The following CCDC7 variants were observed in gnomAD, a reference collection of about 807,000 sequenced individuals.
The protein encoded by CCDC7 is coiled-coil domain-containing protein 7.
CCDC7 carries 183 observed loss-of-function variants against 196.9 expected under a neutral mutation model. That is an observed-to-expected ratio of 0.93 (90% CI 0.82 to 1.05). CCDC7 has a LOEUF of 1.05. CCDC7 is among the 50% of genes least tolerant of loss of function. CCDC7 has a pLI of 0.00. For synonymous variants in CCDC7, 525 were observed against 484.6 expected, an observed-to-expected ratio of 1.08 and a Z score of -1.10; for missense variants, 1,540 against 1,482.2, an observed-to-expected ratio of 1.04 and a Z score of -0.64.
At chr10:32,604,165 T>C (rs187802286) in intron 18 of CCDC7, among the ~76,000 whole-genome samples, 1 of 152,258 alleles carries the variant, frequency 6.6e-6, no homozygotes, top group African/African-American at 2.4e-5. Context: ...CATGAAGATT[T>C]AGTTTTCCAA....
At chr10:32,560,178 G>C (rs1006366498) in intron 13 of CCDC7, among the ~76,000 whole-genome samples, 1 of 152,216 alleles carries the variant, frequency 6.6e-6, no homozygotes, top group African/African-American at 2.4e-5. Flanking sequence ...TATGTGAAAA[G>C]ACCAAATCTA....
intron 20 of CCDC7, among the ~76,000 whole-genome samples, chr10:32,653,769 T>A (rs2069230454): frequency 6.6e-6 from 1 of 152,214 alleles, no homozygotes; most frequent in East Asian, 1.9e-4. Context: ...TAGAAAACAA[T>A]TTCATATCAC....
At chr10:32,799,216 C>T (rs901324649) in intron 29 of CCDC7, among the ~76,000 whole-genome samples, 4 of 152,162 alleles carry the variant, frequency 2.6e-5, no homozygotes, top group Admixed American at 1.3e-4. Context: ...CAAGAGCTGA[C>T]TCTCAAAAGG....
chr10:32,624,632 C>T (rs1404257721), intron 18 of CCDC7, among the ~76,000 whole-genome samples: 1 of 152,072 alleles, frequency 6.6e-6, no homozygotes, highest in Non-Finnish European at 1.5e-5. Context: ...ATCTGGTTAC[C>T]TAGACTCCTT....
intron 24 of CCDC7, among the ~76,000 whole-genome samples, chr10:32,697,579 A>G (rs1215872978): frequency 6.6e-6 from 1 of 152,172 alleles, no homozygotes; most frequent in Admixed American, 6.5e-5. Flanking sequence ...CTGCTAGCAC[A>G]GCAATCCGAG....
At chr10:32,773,740 T>A (rs1438925006) in intron 28 of CCDC7, among the ~76,000 whole-genome samples, 1 of 152,190 alleles carries the variant, frequency 6.6e-6, no homozygotes, top group Non-Finnish European at 1.5e-5. Flanking sequence ...CCTGAGTTTT[T>A]ACAAGTCTTG....
chr10:32,488,975 A>G (rs2041723277), intron 8 of CCDC7, among the ~76,000 whole-genome samples: 1 of 152,132 alleles, frequency 6.6e-6, no homozygotes, highest in Non-Finnish European at 1.5e-5. Context: ...ATGGGTAAAA[A>G]TTTCAGTGGT....
chr10:32,789,565 A>C (rs1185510956), intron 29 of CCDC7, among the ~76,000 whole-genome samples: 1 of 152,090 alleles, frequency 6.6e-6, no homozygotes, highest in Non-Finnish European at 1.5e-5. Context: ...AAAGTAAAAA[A>C]AAAAAAAACC....
At chr10:32,522,614 A>G (rs1014012858) in intron 11 of CCDC7, among the ~76,000 whole-genome samples, 15 of 152,018 alleles carry the variant, frequency 9.9e-5, no homozygotes, top group African/African-American at 3.1e-4. Flanking sequence ...CAAAACACCA[A>G]CTTTTTGTTT....
intron 30 of CCDC7, among the ~76,000 whole-genome samples, chr10:32,805,827 T>C (rs548112060): frequency 7.2e-5 from 11 of 152,308 alleles, no homozygotes; most frequent in African/African-American, 2.4e-4. Context: ...TGCATTGCTA[T>C]AAAGGAATAC....
At chr10:32,688,632 C>T (rs1483456621) in intron 22 of CCDC7, among the ~76,000 whole-genome samples, 1 of 152,104 alleles carries the variant, frequency 6.6e-6, no homozygotes, top group African/African-American at 2.4e-5. Flanking sequence ...TTTTGGACCA[C>T]ATTATAGCCC....
chr10:32,708,600 A>G (rs1012988460), intron 24 of CCDC7, among the ~76,000 whole-genome samples: 2 of 152,188 alleles, frequency 1.3e-5, no homozygotes, highest in Non-Finnish European at 2.9e-5. Flanking sequence ...TCCAGAATCT[A>G]TAAGAACTTA....
At position 32,511,261 on chromosome 10, in the gene CCDC7, C is replaced by CGGGGG. The variant is rs371884255; in HGVS notation, c.873-6680_873-6676dup. ...TGCCACAGAATTATTCTGTGGGGGG[C>CGGGGG]GGGGGGGGCGGGGAAATGTACTTTT... On this transcript the variant is annotated intron_variant, in intron 9 of 41. Coordinates refer to ENST00000639629, the Ensembl canonical transcript of CCDC7. 4.3e-4 allele frequency: 163 copies of CGGGGG among 382,954 alleles called. 2 individuals carry two copies. The highest frequency in any genetic ancestry group is 1.2e-3 in the African/African-American group (25 of 20,162). 23.7% of individuals were successfully genotyped at this position (382,954 alleles called of 1,614,324 possible). A position where few individuals can be genotyped will look rare whatever the true frequency, so the allele number is the denominator to read the frequency against.
chr10:32,826,410 C>T (rs1453990595), intron 32 of CCDC7, among the ~76,000 whole-genome samples: 1 of 152,214 alleles, frequency 6.6e-6, no homozygotes, highest in African/African-American at 2.4e-5. Flanking sequence ...GACTATGGGT[C>T]ATCAAGTCAC....
intron 41 of CCDC7, among the ~76,000 whole-genome samples, chr10:32,871,139 C>T (rs1045390651): frequency 6.6e-5 from 10 of 152,174 alleles, no homozygotes; most frequent in Non-Finnish European, 1.5e-4. Context: ...AGGATTCTCT[C>T]TTTTTCTATT....
rs2075587655 is a variant in CCDC7, at chr10:32,679,799, G to A, written c.2123-6171G>A. On this transcript the variant is annotated intron_variant, in intron 21 of 41. Transcript: ENST00000639629. ...CCTCTGGTAGTGAGACATTTTCTAT[G>A]TTATGGTTTATGCATGGATGACAGA... 3.3e-5 allele frequency among the ~76,000 whole-genome samples: 5 copies of A among 152,286 alleles called. No individual in the cohort carries two copies. In the South Asian group the frequency reaches 1.0e-3, roughly 32 times the overall value.
At chr10:32,674,964 C>T (rs544386771) in intron 21 of CCDC7, among the ~76,000 whole-genome samples, 5 of 151,946 alleles carry the variant, frequency 3.3e-5, no homozygotes, top group African/African-American at 2.4e-5. Flanking sequence ...TGTTTAAGCC[C>T]GTCACTTTTA....
intron 20 of CCDC7, among the ~76,000 whole-genome samples, chr10:32,654,770 T>G (rs1365632294): frequency 1.3e-5 from 2 of 152,206 alleles, no homozygotes; most frequent in African/African-American, 4.8e-5. Flanking sequence ...AGGTGAGAGA[T>G]CTGGGAATAT....
At chr10:32,777,522 C>G (rs974472505) in intron 28 of CCDC7, among the ~76,000 whole-genome samples, 50 of 152,280 alleles carry the variant, frequency 3.3e-4, no homozygotes, top group African/African-American at 1.2e-3. Flanking sequence ...CCCCTTTTCT[C>G]CACAGACTTG....
Sources: allele counts gnomAD v4.1 joint callset (sites outside exome capture counted in the v4.1 genomes callset), GRCh38; gene constraint gnomAD v4.1.1; transcripts MANE v1.5; gene names NCBI Gene and HGNC (gene_info 2026-07-23, HGNC 2026-07-21).